The following PACRG variants were observed in gnomAD, a reference collection of about 807,000 sequenced individuals.
PACRG encodes the protein parkin coregulated.
PACRG carries 29 observed loss-of-function variants against 29.7 expected under a neutral mutation model. The ratio of observed to expected loss-of-function variants is 0.98; its 90% CI spans 0.73 to 1.33. PACRG has a LOEUF of 1.33. PACRG is among the 40% of genes most tolerant of loss of function. PACRG has a pLI of 0.00. For missense variants in PACRG, 279 were observed against 316.2 expected, an observed-to-expected ratio of 0.88 and a Z score of 0.89; for synonymous variants, 116 against 118.7, an observed-to-expected ratio of 0.98 and a Z score of 0.15.
At chr6:162,944,638 C>G (rs1798870412) in intron 2 of PACRG, among the ~76,000 whole-genome samples, 1 of 151,966 alleles carries the variant, frequency 6.6e-6, no homozygotes, top group Admixed American at 6.6e-5. Flanking sequence ...TAAAAAGCAT[C>G]AAACAGAAAT....
intron 2 of PACRG, among the ~76,000 whole-genome samples, chr6:163,034,539 T>G (rs1437612247): frequency 6.6e-6 from 1 of 152,136 alleles, no homozygotes; most frequent in Non-Finnish European, 1.5e-5. Context: ...CACTCATTCT[T>G]AAGAGAGACT....
chr6:163,286,946 G>T (rs1289249334), intron 4 of PACRG, among the ~76,000 whole-genome samples: 1 of 152,102 alleles, frequency 6.6e-6, no homozygotes, highest in Non-Finnish European at 1.5e-5. Context: ...GTGGATGTGT[G>T]CTTGCATATG....
chr6:163,224,368 CAAAAAAAAAAAAA>C (rs531356479), intron 4 of PACRG, among the ~76,000 whole-genome samples: 2,831 of 47,372 alleles, frequency 0.06, 164 homozygotes, highest in African/African-American at 0.17. Context: ...GACTCCATCT[CAAAAAAAAAAAAA>C]AAAAAAAAAA....
intron 4 of PACRG, among the ~76,000 whole-genome samples, chr6:163,249,451 C>T (rs970349606): frequency 8.5e-5 from 13 of 152,300 alleles, no homozygotes; most frequent in African/African-American, 3.1e-4. Flanking sequence ...AAGTGCATAT[C>T]ACCAGTACAA....
intron 4 of PACRG, among the ~76,000 whole-genome samples, chr6:163,304,732 A>G (rs1196525610): frequency 1.3e-5 from 2 of 152,206 alleles, no homozygotes; most frequent in African/African-American, 4.8e-5. Flanking sequence ...TGAAAATTTC[A>G]TGCAGTGGGG....
chr6:163,221,581 A>G (rs1781582405), intron 4 of PACRG, among the ~76,000 whole-genome samples: 1 of 152,280 alleles, frequency 6.6e-6, no homozygotes, highest in Non-Finnish European at 1.5e-5. Flanking sequence ...ATCAGAAAGG[A>G]GGGTATTTGC....
chr6:162,987,132 CT>C (rs1584942895), intron 2 of PACRG, among the ~76,000 whole-genome samples: 1 of 152,062 alleles, frequency 6.6e-6, no homozygotes, highest in African/African-American at 2.4e-5. Context: ...CTGATTTCTT[CT>C]TCTTTGGGTA....
rs544447396 is a variant in PACRG at position 162,879,706 on chromosome 6, G to A, written c.291+65425G>A. 9.2e-5 allele frequency among the ~76,000 whole-genome samples: 14 copies of A among 152,062 alleles called. No homozygotes were observed. The East Asian group carries it at 1.4e-3, about 15-fold the overall frequency. ...CTGTGGGCCAGGCCCCGAGCTGGCCGTGCAGATAGGACAGTGAGTAAGACA... is the reference window on the plus strand; with the variant it reads ...CTGTGGGCCAGGCCCCGAGCTGGCCATGCAGATAGGACAGTGAGTAAGACA... On this transcript the variant is annotated intron_variant, in intron 2 of 4. Transcript: ENST00000366888.
chr6:163,184,707 C>T (rs904210466), intron 4 of PACRG: 1 of 152,080 alleles, frequency 6.6e-6, no homozygotes, highest in Admixed American at 6.5e-5. Flanking sequence ...GCTGTCCTGC[C>T]GCACTGCACG....
At chr6:162,773,915 A>T (rs1783440121) in intron 1 of PACRG, among the ~76,000 whole-genome samples, 1 of 152,128 alleles carries the variant, frequency 6.6e-6, no homozygotes, top group South Asian at 2.1e-4. Context: ...TGTGGTCTTA[A>T]TCCAGGTAAA....
At chr6:163,307,026 G>A (rs1785218129) in intron 4 of PACRG, among the ~76,000 whole-genome samples, 1 of 152,162 alleles carries the variant, frequency 6.6e-6, no homozygotes, top group Non-Finnish European at 1.5e-5. Context: ...CAGGCTATTT[G>A]CCTTGAAGTC....
intron 4 of PACRG, among the ~76,000 whole-genome samples, chr6:163,213,669 G>T (rs1357287597): frequency 2.0e-5 from 3 of 151,592 alleles, no homozygotes. Flanking sequence ...CTATTGTTTT[G>T]GTTATTTTTT....
intron 4 of PACRG, among the ~76,000 whole-genome samples, chr6:163,111,829 T>C (rs1427329012): frequency 1.3e-5 from 2 of 152,242 alleles, no homozygotes; most frequent in African/African-American, 4.8e-5. Context: ...CAAGCTTGGG[T>C]GTATCTTGGT....
intron 4 of PACRG, among the ~76,000 whole-genome samples, chr6:163,157,350 G>A (rs1246329195): frequency 1.3e-5 from 2 of 152,082 alleles, no homozygotes; most frequent in Non-Finnish European, 2.9e-5. Flanking sequence ...CACCACCTCT[G>A]CAAAGCCTCC....
At chr6:163,307,826 A>G (rs13215860) in intron 4 of PACRG, among the ~76,000 whole-genome samples, 12,259 of 152,214 alleles carry the variant, frequency 0.081, 536 homozygotes, top group Non-Finnish European at 0.098. Flanking sequence ...TCTCTTACTC[A>G]TTGTTTAAAA....
At chr6:163,246,051 G>A (rs1021063058) in intron 4 of PACRG, among the ~76,000 whole-genome samples, 1 of 152,034 alleles carries the variant, frequency 6.6e-6, no homozygotes, top group Non-Finnish European at 1.5e-5. Context: ...TCTGCTTCCG[G>A]GACAGCCCAT....
intron 2 of PACRG, among the ~76,000 whole-genome samples, chr6:162,816,251 A>T (rs1333438128): frequency 6.6e-6 from 1 of 152,230 alleles, no homozygotes; most frequent in Non-Finnish European, 1.5e-5. Flanking sequence ...ATTTAGGAAA[A>T]CATCTTATTC....
At chr6:162,829,842 G>C (rs1392611140) in intron 2 of PACRG, among the ~76,000 whole-genome samples, 2 of 152,072 alleles carry the variant, frequency 1.3e-5, no homozygotes, top group East Asian at 3.9e-4. Context: ...TTAAAGATGT[G>C]GCATATTTGG....
chr6:163,025,446 G>A (rs1248612059), intron 2 of PACRG, among the ~76,000 whole-genome samples: 5 of 152,232 alleles, frequency 3.3e-5, no homozygotes, highest in South Asian at 4.2e-4. Context: ...CCAGCAACAC[G>A]CAGGCTGAGA....
Sources: gnomAD v4.1 joint callset for allele counts (sites outside exome capture counted in the v4.1 genomes callset) on GRCh38, gnomAD v4.1.1 for gene constraint, MANE v1.5 for transcripts, NCBI Gene and HGNC (gene_info 2026-07-23, HGNC 2026-07-21) for gene names.